PASD1: variants seen among roughly 807,000 people sequenced by gnomAD.
PASD1 encodes PAS domain containing repressor 1.
In PASD1, 13 loss-of-function variants were observed where a neutral mutation model predicts 58.8. The observed-to-expected ratio is 0.22, with a 90% CI of 0.14 to 0.35. The LOEUF (loss-of-function observed/expected upper bound fraction) is 0.35. Ranked by LOEUF, PASD1 falls within the 10% of genes least tolerant of loss-of-function variation. The pLI is 1.00. For synonymous variants in PASD1, 236 were observed against 216.7 expected, an observed-to-expected ratio of 1.09 and a Z score of -0.78; for missense variants, 734 against 568.3, an observed-to-expected ratio of 1.29 and a Z score of -2.96.
At chrX:151,574,358 A>G (rs1227681967) in intron 1 of PASD1, among the ~76,000 whole-genome samples, 1 of 112,065 alleles carries the variant, frequency 8.9e-6, no homozygotes, top group Non-Finnish European at 1.9e-5. Flanking sequence ...ATCAGACCAC[A>G]TTCTGGCCTT....
In PASD1 at chrX:151,605,989, A is replaced by G. The variant is rs142057686; in HGVS notation, c.117+1255A>G. Among the ~76,000 whole-genome samples, 3 of 112,509 alleles carry G rather than the reference A, an allele frequency of 2.7e-5. 1 individual carries two copies. The East Asian group carries it at 8.4e-4, about 31-fold the overall frequency. On this transcript the variant is annotated intron_variant, in intron 3 of 15. Transcript: ENST00000370357. ...TATGTGAAATCCTGTTACCAATTTT[A>G]TGAAACCAGATGCTTATTTGAAATA...
chrX:151,646,337 C>T (rs746670366), intron 8 of PASD1, among the ~76,000 whole-genome samples: 21 of 112,256 alleles, frequency 1.9e-4, no homozygotes, highest in Non-Finnish European at 3.8e-4. Flanking sequence ...TGCTTCACAA[C>T]ATATTGCTGT....
At position 151,573,224 on chromosome X, in the gene PASD1, CA is replaced by C. The variant is rs570152592; in HGVS notation, c.-28+9386del. Among the ~76,000 whole-genome samples the C allele has an allele frequency of 2.5e-4, 28 of 110,057 alleles. No individual in the cohort carries two copies. The South Asian group carries it at 0.011, about 42-fold the overall frequency. On this transcript the variant is annotated intron_variant, in intron 1 of 15. Transcript: ENST00000370357. Reference sequence around the variant, plus strand: ...GAAGGATCCACCCCCATGATCCAGTCACCTCCTACCAGGCCCCACCCCCAAC... The same window carrying C: ...GAAGGATCCACCCCCATGATCCAGTCCCTCCTACCAGGCCCCACCCCCAAC...
At chrX:151,668,431 A>G (rs1602966316) in intron 11 of PASD1, among the ~76,000 whole-genome samples, 1 of 111,090 alleles carries the variant, frequency 9.0e-6, no homozygotes, top group African/African-American at 3.3e-5. Context: ...AGGATTTTTG[A>G]AAAGATCAAC....
At chrX:151,573,029 G>A (rs1322074867) in intron 1 of PASD1, among the ~76,000 whole-genome samples, 1 of 69,794 alleles carries the variant, frequency 1.4e-5, no homozygotes, top group African/African-American at 5.4e-5. Context: ...GTGACGGGGG[G>A]TGGGGGAAGG....
chrX:151,615,833 A>AT lies in PASD1; in HGVS notation c.207+4081dup, dbSNP rs746333860. On this transcript the variant is annotated intron_variant, in intron 4 of 15. Coordinates refer to ENST00000370357, the MANE Select transcript of PASD1 (RefSeq NM_173493.3). ...CTGCCTGACCTTTAGTTTCTCTTCT[A>AT]TAAGTGGGGAAATAATATTACTTAG... Among the ~76,000 whole-genome samples, 4 of 112,487 alleles carry AT rather than the reference A, an allele frequency of 3.6e-5. No homozygotes were observed. In the East Asian group the frequency reaches 1.1e-3, roughly 31 times the overall value.
chrX:151,580,120 C>T (rs1421475883), intron 1 of PASD1, among the ~76,000 whole-genome samples: 1 of 111,753 alleles, frequency 8.9e-6, no homozygotes, highest in Admixed American at 9.5e-5. Flanking sequence ...TTTATTTCTC[C>T]CTCTTAGCTT....
At position 151,672,242 on chromosome X, in the gene PASD1, G is replaced by C. The variant is rs1333101955; in HGVS notation, c.1497G>C (p.Gln499His). ...AGCAGCAGCGGCAGCTGCGGGAGCA[G>C]CTGCAACAGCTGAGAGAGCAAAGGA... ...LKEQQRQLREQLQQLREQRKV... is the reference protein window; with the variant it reads ...LKEQQRQLREHLQQLREQRKV... The change falls in exon 14 of 16, where the codon CAG (glutamine) becomes CAC (histidine). Residue 499 changes from glutamine to histidine, a missense_variant. By Grantham distance (24) the Gln-to-His change is conservative (BLOSUM62 0). Transcript: ENST00000370357. The C allele has an allele frequency of 8.6e-7, 1 of 1,164,692 alleles. No individual in the cohort carries two copies. The highest frequency in any genetic ancestry group is 1.1e-6 in the Non-Finnish European group (1 of 871,643).
intron 4 of PASD1, among the ~76,000 whole-genome samples, chrX:151,618,777 G>A (rs919597841): frequency 9.0e-6 from 1 of 111,374 alleles, no homozygotes; most frequent in African/African-American, 3.3e-5. Flanking sequence ...TAAGGGCTCT[G>A]AGATGAGTAT....
intron 4 of PASD1, among the ~76,000 whole-genome samples, chrX:151,613,282 G>C (rs2013591797): frequency 9.1e-6 from 1 of 110,140 alleles, no homozygotes; most frequent in Admixed American, 9.6e-5. Flanking sequence ...TTTGGCTTAG[G>C]ATTGACTTGG....
rs189401326 is a variant in PASD1 at position 151,624,777 on chromosome X, A to G, written c.547-671A>G. Among the ~76,000 whole-genome samples the G allele has an allele frequency of 1.7e-3, 194 of 111,787 alleles. 1 individual carries two copies. The highest frequency in any genetic ancestry group is 5.9e-3 in the African/African-American group (183 of 30,830). ...ACTGTGGAGGGGGCCTTTACATTCA[A>G]TTTTAGAACAAGTAATATATGTCAT... is the stretch of plus-strand genomic sequence containing the variant. On this transcript the variant is annotated intron_variant, in intron 7 of 15. Transcript: ENST00000370357.
In PASD1 at chrX:151,666,719, A is replaced by G. The variant is rs111603603; in HGVS notation, c.1071+2371A>G. Among the ~76,000 whole-genome samples, 766 of 97,765 alleles carry G rather than the reference A, an allele frequency of 7.8e-3. 11 individuals are homozygous for G. The highest frequency in any genetic ancestry group is 0.027 in the African/African-American group (716 of 26,103). 84.9% of individuals were successfully genotyped at this position (97,765 alleles called of 115,157 possible). The stretch of plus-strand genomic sequence containing the variant: ...TCCCTACAAAGGACATGAACTCATC[A>G]TTTTTTATGGCTGCATAGTATTCCC... On this transcript the variant is annotated intron_variant, in intron 11 of 15. Transcript: ENST00000370357.
At chrX:151,646,666 A>G (rs763982576) in intron 8 of PASD1, among the ~76,000 whole-genome samples, 5 of 112,683 alleles carry the variant, frequency 4.4e-5, no homozygotes, top group Non-Finnish European at 9.4e-5. Flanking sequence ...AAGGTATTAG[A>G]TTGCTTTTAA....
chrX:151,568,269 T>A (rs2178795), intron 1 of PASD1, among the ~76,000 whole-genome samples: 2 of 111,896 alleles, frequency 1.8e-5, no homozygotes, highest in Non-Finnish European at 3.8e-5. Flanking sequence ...AATGTCCCAG[T>A]AGGGTAGGAT....
At chrX:151,596,265 C>T (rs957962630) in intron 1 of PASD1, among the ~76,000 whole-genome samples, 1 of 112,105 alleles carries the variant, frequency 8.9e-6, no homozygotes, top group Non-Finnish European at 1.9e-5. Flanking sequence ...TTTTGCGCTA[C>T]ATCACAACAT....
intron 1 of PASD1, among the ~76,000 whole-genome samples, chrX:151,572,606 C>A (rs533820952): frequency 9.0e-6 from 1 of 111,280 alleles, no homozygotes; most frequent in East Asian, 2.8e-4. Flanking sequence ...TTAAAAAGTT[C>A]TTTAATGAAG....
chrX:151,620,881 C>T (rs200724117), intron 4 of PASD1, 49 bp from the exon 5 acceptor site: 1 of 968,862 alleles, frequency 1.0e-6, no homozygotes, highest in Admixed American at 2.3e-5. Context: ...TTACTCTCTC[C>T]CTCTTCCCCT....
rs1342652636 is a variant in PASD1, at chrX:151,601,519, G to A, written c.-27-8G>A. ...TCTTAGTAAAATGTTGCTTCACTTT[G>A]ATTTCAGGAGTCTTCCTACGTCACT... On this transcript the variant is annotated splice_polypyrimidine_tract_variant and splice_region_variant and intron_variant, in intron 1 of 15. Coordinates refer to ENST00000370357, the MANE Select transcript of PASD1 (RefSeq NM_173493.3). The A allele has an allele frequency of 1.7e-6, 2 of 1,200,536 alleles. No individual in the cohort carries two copies. The highest frequency in any genetic ancestry group is 3.6e-5 in the South Asian group (2 of 56,260).
chrX:151,612,261 G>A (rs1403210705), intron 4 of PASD1, among the ~76,000 whole-genome samples: 24 of 97,185 alleles, frequency 2.5e-4, no homozygotes, highest in African/African-American at 8.9e-4. Context: ...ATTGTGAATA[G>A]TGCCACAGTA....
Sources: allele counts gnomAD v4.1 joint callset (sites outside exome capture counted in the v4.1 genomes callset), GRCh38; gene constraint gnomAD v4.1.1; transcripts MANE v1.5; gene names NCBI Gene and HGNC (gene_info 2026-07-23, HGNC 2026-07-21).